Variants in PCDHGB5 observed in about 807,000 individuals in gnomAD.
PCDHGB5 encodes the protein protocadherin gamma subfamily B, 5, also known as protocadherin gamma-B5.
Under a neutral mutation model 62.9 loss-of-function variants are expected in PCDHGB5, and 48 were observed. The ratio of observed to expected loss-of-function variants is 0.76; its 90% CI spans 0.61 to 0.97. PCDHGB5 has a LOEUF of 0.97. Ranked by LOEUF, PCDHGB5 falls within the 50% of genes least tolerant of loss-of-function variation. PCDHGB5 has a pLI of 0.00. For missense variants in PCDHGB5, 1,118 were observed against 1,198.6 expected, an observed-to-expected ratio of 0.93 and a Z score of 0.99; for synonymous variants, 474 against 511.2, an observed-to-expected ratio of 0.93 and a Z score of 0.98.
At chr5:141,420,254 G>C (rs186977117) in intron 1 of PCDHGB5, 3 of 1,569,172 alleles carry the variant, frequency 1.9e-6, no homozygotes, top group Admixed American at 3.8e-5. Context: ...CGTTGAAGCA[G>C]ATAAGAAGAT....
At chr5:141,433,765 A>G (rs1389737053) in intron 1 of PCDHGB5, among the ~76,000 whole-genome samples, 1 of 148,692 alleles carries the variant, frequency 6.7e-6, no homozygotes, top group Non-Finnish European at 1.5e-5. Flanking sequence ...TTAACCTGGG[A>G]GGTGGAGGTT....
chr5:141,478,272 A>T, intron 1 of PCDHGB5: 7 of 1,614,160 alleles, frequency 4.3e-6, no homozygotes, highest in Non-Finnish European at 5.9e-6. Context: ...AAAGTTTACA[A>T]GTGGAAGCAG....
chr5:141,485,441 A>T lies in PCDHGB5; in HGVS notation c.2398-9366A>T. On this transcript the variant is annotated intron_variant, in intron 1 of 3. Coordinates refer to ENST00000617380, the MANE Select transcript of PCDHGB5 (RefSeq NM_018925.3). The surrounding 1 kb of genome is among the most constrained non-coding windows in gnomAD (Gnocchi z 5.7). ...CGGAGCCCTGCTCATCAAGAACCCA[A>T]TCGACCGAGAGGCACTGTGTGGGCT... is the stretch of plus-strand genomic sequence containing the variant. The T allele has an allele frequency of 6.2e-7, 1 of 1,613,910 alleles. No homozygotes were observed. The highest frequency in any genetic ancestry group is 1.1e-5 in the South Asian group (1 of 91,062).
intron 1 of PCDHGB5, chr5:141,418,120 G>A: frequency 6.2e-7 from 1 of 1,614,084 alleles, no homozygotes; most frequent in Non-Finnish European, 8.5e-7. Context: ...TACTTGTGAA[G>A]GACCGAATAG....
chr5:141,421,905 A>C, intron 1 of PCDHGB5: 1 of 1,613,752 alleles, frequency 6.2e-7, no homozygotes, highest in Non-Finnish European at 8.5e-7. Context: ...GAAAGGGCGC[A>C]GTTCCCATTC....
chr5:141,456,878 G>A (rs71583646), intron 1 of PCDHGB5, among the ~76,000 whole-genome samples: 21 of 152,162 alleles, frequency 1.4e-4, no homozygotes, highest in African/African-American at 2.4e-4. Flanking sequence ...CAGGAGAATC[G>A]CTTGAACCCG....
At position 141,431,277 on chromosome 5, in the gene PCDHGB5, G is replaced by T; in HGVS notation, c.2397+30753G>T. 6.2e-7 allele frequency: 1 copy of T among 1,614,160 alleles called. No homozygotes were observed. The highest frequency in any genetic ancestry group is 1.3e-5 in the African/African-American group (1 of 75,062). On this transcript the variant is annotated intron_variant, in intron 1 of 3. Transcript: ENST00000617380. This position sits in a 1 kb window ranked among gnomAD's most constrained non-coding sequence, Gnocchi z 4.8. ...AACTCTCTGCAGAGCTACGAGCTCAGCCCGAACACTCACTTCTCCCTCATC... is the reference window on the plus strand; with the variant it reads ...AACTCTCTGCAGAGCTACGAGCTCATCCCGAACACTCACTTCTCCCTCATC...
chr5:141,413,400 G>A (rs1328176117), intron 1 of PCDHGB5: 4 of 1,614,060 alleles, frequency 2.5e-6, no homozygotes, highest in Non-Finnish European at 2.5e-6. Context: ...CCAGAGGTAG[G>A]ACGCAGCTTT....
chr5:141,409,751 C>G lies in PCDHGB5; in HGVS notation c.2397+9227C>G, dbSNP rs774810318. The G allele has an allele frequency of 1.5e-5, 25 of 1,613,000 alleles. No homozygotes were observed. In the Admixed American group the frequency reaches 4.0e-4, roughly 26 times the overall value. The stretch of plus-strand genomic sequence containing the variant: ...CGCGCAGAGCGGGGTGGTGTTCGCG[C>G]AGCGCGCCTTTGATCACGAGCAGCT... On this transcript the variant is annotated intron_variant, in intron 1 of 3. Coordinates refer to ENST00000617380, the MANE Select transcript of PCDHGB5 (RefSeq NM_018925.3).
chr5:141,399,832 G>A lies in PCDHGB5; in HGVS notation c.1705G>A (p.Ala569Thr). The A allele has an allele frequency of 6.2e-7, 1 of 1,613,152 alleles. No homozygotes were observed. Among genetic ancestry groups the A allele is most frequent in the African/African-American group, 1.3e-5 (1 of 75,056 alleles). The change falls in exon 1 of 4, where the codon GCG (alanine) becomes ACG (threonine). Residue 569 changes from alanine (A) to threonine (T), a missense_variant. Ala to Thr is a moderately conservative substitution (Grantham distance 58). Transcript: ENST00000617380. ...CCCCGCGCTGGGTCCCGACGGCTCT[G>A]CGCTCTTCGATATGGTGCCGCGCGC... ...LYPALGPDGSALFDMVPRAAE... is the reference protein window; with the variant it reads ...LYPALGPDGSTLFDMVPRAAE...
chr5:141,511,581 T>C lies in PCDHGB5; in HGVS notation c.*408T>C, dbSNP rs2099883862. ...TCTTTCCCGAGTAAGGTGGTTGGGG[T>C]GTTGAAGTACCAAGTAACCTACAAG... On this transcript the variant is annotated 3_prime_UTR_variant, in exon 4 of 4. Transcript: ENST00000617380. 1 of 281,638 alleles carries C rather than the reference T, an allele frequency of 3.6e-6. No homozygotes were observed. The highest frequency in any genetic ancestry group is 2.2e-5 in the African/African-American group (1 of 46,302). 17.4% of individuals were successfully genotyped at this position (281,638 alleles called of 1,614,324 possible). A position where few individuals can be genotyped will look rare whatever the true frequency, so the allele number is the denominator to read the frequency against.
Position 141,398,740 on chromosome 5 carries a change from C to T in PCDHGB5, c.613C>T (p.Gln205Ter). 1 of 1,613,864 alleles carries T rather than the reference C, an allele frequency of 6.2e-7. No homozygotes were observed. The highest frequency in any genetic ancestry group is 8.5e-7 in the Non-Finnish European group (1 of 1,179,908). The change falls in exon 1 of 4, where the codon CAG (glutamine) becomes TAG (stop). Residue 205 changes from glutamine to a stop codon, truncating the protein, a stop_gained. Transcript: ENST00000617380. LOFTEE classifies it high-confidence loss of function. ...GGAGAAAACCTTAGACCGGGAACAA[C>T]AGAGTTACCATCGTTTAGTCCTGAC... ...ALEKTLDREQ[Q>*]SYHRLVLTAL...
At position 141,512,161 on chromosome 5, in the gene PCDHGB5, G is replaced by A. The variant is rs1176664723; in HGVS notation, c.*988G>A. On this transcript the variant is annotated 3_prime_UTR_variant, in exon 4 of 4. Transcript: ENST00000617380. ...AGCCAGCTTTGGGCTGAGCTAACAGGACCAATGGATTAAACTGGCATTTCA... is the reference window on the plus strand; with the variant it reads ...AGCCAGCTTTGGGCTGAGCTAACAGAACCAATGGATTAAACTGGCATTTCA... The A allele has an allele frequency of 6.5e-6, 1 of 152,704 alleles. No homozygotes were observed. Among genetic ancestry groups the A allele is most frequent in the African/African-American group, 2.4e-5 (1 of 41,440 alleles). 9.5% of individuals were successfully genotyped at this position (152,704 alleles called of 1,614,324 possible). A position where few individuals can be genotyped will look rare whatever the true frequency, so the allele number is the denominator to read the frequency against.
chr5:141,415,736 T>G, intron 1 of PCDHGB5: 1 of 1,289,978 alleles, frequency 7.8e-7, no homozygotes, highest in South Asian at 1.8e-5. Context: ...TGATGTTTAT[T>G]AAGGTTTTTT....
At position 141,485,120 on chromosome 5, in the gene PCDHGB5, G is replaced by T; in HGVS notation, c.2398-9687G>T. The T allele has an allele frequency of 7.4e-7, 1 of 1,348,050 alleles. No individual in the cohort carries two copies. Among genetic ancestry groups the T allele is most frequent in the Non-Finnish European group, 1.0e-6 (1 of 952,710 alleles). 83.5% of individuals were successfully genotyped at this position (1,348,050 alleles called of 1,614,324 possible). On this transcript the variant is annotated intron_variant, in intron 1 of 3. Transcript: ENST00000617380. The surrounding 1 kb of genome is among the most constrained non-coding windows in gnomAD (Gnocchi z 5.7). ...TCCAGCTGCTGTGGCTGTTTGGGGC[G>T]GGTCGGCTTCATCCGCGTCTCAGGA...
At chr5:141,424,526 T>C (rs1020206614) in intron 1 of PCDHGB5, 2 of 152,216 alleles carry the variant, frequency 1.3e-5, no homozygotes, top group Non-Finnish European at 2.9e-5. Context: ...AGTAAATCCA[T>C]ATATAGAAAT....
chr5:141,502,864 G>T (rs1595824348), intron 2 of PCDHGB5, among the ~76,000 whole-genome samples: 4 of 61,548 alleles, frequency 6.5e-5, no homozygotes, highest in African/African-American at 2.4e-4. Flanking sequence ...CTGACTCTCT[G>T]TCTTTTTTTT....
At position 141,433,275 on chromosome 5, in the gene PCDHGB5, C is replaced by G. The variant is rs1173546273; in HGVS notation, c.2397+32751C>G. 1.5e-5 allele frequency: 19 copies of G among 1,229,998 alleles called. No homozygotes were observed. In the East Asian group the frequency reaches 3.6e-4, roughly 23 times the overall value. The allele number at this position is 1,229,998 out of a possible 1,614,324, so 76.2% of individuals were successfully genotyped here. A position where few individuals can be genotyped will look rare whatever the true frequency, so the allele number is the denominator to read the frequency against. On this transcript the variant is annotated intron_variant, in intron 1 of 3. Transcript: ENST00000617380. ...GCGGTACGATCATAGCTCACTGCAG[C>G]CTCAAACTCCTAGGCTCAAGCAATT...
At chr5:141,497,079 C>T (rs564690352) in intron 2 of PCDHGB5, among the ~76,000 whole-genome samples, 2 of 151,982 alleles carry the variant, frequency 1.3e-5, no homozygotes, top group African/African-American at 4.8e-5. Flanking sequence ...ATCCCAGCGA[C>T]TTAGGAGGCT....
Sources: gnomAD v4.1 joint callset for allele counts (sites outside exome capture counted in the v4.1 genomes callset) on GRCh38, gnomAD v4.1.1 for gene constraint, Gnocchi (gnomAD v3.1) non-coding constraint, MANE v1.5 for transcripts, NCBI Gene and HGNC (gene_info 2026-07-23, HGNC 2026-07-21) for gene names.